Variants in CHORDC1 observed in about 807,000 individuals in gnomAD.
CHORDC1 encodes cysteine and histidine rich domain containing 1.
CHORDC1 carries 25 observed loss-of-function variants against 48.3 expected under a neutral mutation model. The ratio of observed to expected loss-of-function variants is 0.52; its 90% CI spans 0.38 to 0.72. The LOEUF is 0.72. CHORDC1 is among the 30% of genes least tolerant of loss of function. The pLI, the probability that CHORDC1 is intolerant of heterozygous loss-of-function variation, is 0.00. For synonymous variants in CHORDC1, 128 were observed against 126.4 expected (o/e 1.01, Z -0.09); for missense variants, 317 against 388.7 (o/e 0.82, Z 1.55).
intron 4 of CHORDC1, chr11:90,212,259 G>A (rs1418233131): frequency 1.3e-5 from 2 of 148,792 alleles, no homozygotes; most frequent in Non-Finnish European, 3.0e-5. Flanking sequence ...TTTTTCCCAT[G>A]CTGTTCTCAT....
intron 4 of CHORDC1, chr11:90,213,334 C>CAAAAAA: frequency 1.7e-6 from 1 of 574,650 alleles, no homozygotes; most frequent in South Asian, 2.0e-5. Flanking sequence ...TACTTGCAGC[C>CAAAAAA]AAAAAAAAAA....
At position 90,203,422 on chromosome 11, in the gene CHORDC1, T is replaced by C. The variant is rs1857590253; in HGVS notation, c.675A>G (p.Lys225=). 3 of 1,552,146 alleles carry C rather than the reference T, an allele frequency of 1.9e-6. No individual in the cohort carries two copies. The highest frequency in any genetic ancestry group is 2.7e-5 in the African/African-American group (2 of 74,308). ...AGTCATGTCTACATGGAACAACTTT[T>C]TTCCCCTGTAATGTAAGAGAAACTC... ...KHMWTKKDAG[K]KVVPCRHDWH... The change falls in exon 9 of 11, where the codon AAA becomes AAG. Residue 225 remains lysine, a synonymous_variant. Coordinates refer to ENST00000320585, the MANE Select transcript of CHORDC1 (RefSeq NM_012124.3).
At chr11:90,204,437 A>C (rs1407973184) in intron 8 of CHORDC1, among the ~76,000 whole-genome samples, 1 of 152,142 alleles carries the variant, frequency 6.6e-6, no homozygotes, top group Non-Finnish European at 1.5e-5. Context: ...AAAAGCAACT[A>C]GGGCCAGGCG....
At position 90,206,273 on chromosome 11, in the gene CHORDC1, C is replaced by A; in HGVS notation, c.493-1G>T. On this transcript the variant is annotated splice_acceptor_variant, in intron 6 of 10. Transcript: ENST00000320585. LOFTEE classifies it high-confidence loss of function. ...CTAGACTCTCTAGACCCTGGTATGT[C>A]TAAAAAGGAAACAAAGAGAAAAAAA... is the stretch of plus-strand genomic sequence containing the variant. The A allele has an allele frequency of 6.6e-7, 1 of 1,522,394 alleles. No individual in the cohort carries two copies. The highest frequency in any genetic ancestry group is 9.1e-7 in the Non-Finnish European group (1 of 1,099,360). The allele number at this position is 1,522,394 out of a possible 1,614,324, so 94.3% of individuals were successfully genotyped here. A position where few individuals can be genotyped will look rare whatever the true frequency, so the allele number is the denominator to read the frequency against.
In CHORDC1 at chr11:90,205,622, C is replaced by T. The variant is rs1045975814; in HGVS notation, c.564-57G>A. Reference sequence around the variant, plus strand: ...AAAATCTCACAACCAATTAAATCCACAAGTATTTTAGGGATAAATCTGATT... The same window carrying T: ...AAAATCTCACAACCAATTAAATCCATAAGTATTTTAGGGATAAATCTGATT... On this transcript the variant is annotated intron_variant, in intron 7 of 10. Coordinates refer to ENST00000320585, the MANE Select transcript of CHORDC1 (RefSeq NM_012124.3). 10 of 1,103,372 alleles carry T rather than the reference C, an allele frequency of 9.1e-6. No individual in the cohort carries two copies. The East Asian group carries it at 1.9e-4, about 21-fold the overall frequency. 68.3% of individuals were successfully genotyped at this position (1,103,372 alleles called of 1,614,324 possible). A position where few individuals can be genotyped will look rare whatever the true frequency, so the allele number is the denominator to read the frequency against.
At chr11:90,210,802 C>T (rs1857839895) in intron 5 of CHORDC1, 1 of 518,706 alleles carries the variant, frequency 1.9e-6, no homozygotes, top group South Asian at 2.7e-5. Context: ...ACAATTTTTT[C>T]CATAACAAAA....
rs1353018470 is a variant in CHORDC1 at position 90,201,604 on chromosome 11, T to C, written c.*801A>G. The C allele has an allele frequency of 6.6e-6, 1 of 152,418 alleles. No individual in the cohort carries two copies. The highest frequency in any genetic ancestry group is 1.5e-5 in the Non-Finnish European group (1 of 67,876). 9.4% of individuals were successfully genotyped at this position (152,418 alleles called of 1,614,324 possible). On this transcript the variant is annotated 3_prime_UTR_variant, in exon 11 of 11. Coordinates refer to ENST00000320585, the MANE Select transcript of CHORDC1 (RefSeq NM_012124.3). ...GCAAGATATATATAATTTCTTTTTA[T>C]ATTTAACTAAAGGTTTTAAGAGGGC... is the stretch of plus-strand genomic sequence containing the variant.
intron 4 of CHORDC1, 85 bp from the exon 5 acceptor site, chr11:90,211,403 T>C (rs1857856049): frequency 9.5e-6 from 8 of 840,828 alleles, no homozygotes; most frequent in Non-Finnish European, 1.6e-5. Flanking sequence ...AAAAGCTTTC[T>C]GAGAAGCCAA....
chr11:90,219,314 T>C (rs1858103823), intron 1 of CHORDC1, among the ~76,000 whole-genome samples: 1 of 152,166 alleles, frequency 6.6e-6, no homozygotes, highest in Non-Finnish European at 1.5e-5. Context: ...ATTTTCTAGA[T>C]TCTCACTGGG....
chr11:90,210,655 T>A, intron 5 of CHORDC1, 61 bp from the exon 6 acceptor site: 3 of 1,096,126 alleles, frequency 2.7e-6, no homozygotes, highest in Non-Finnish European at 4.0e-6. Context: ...TGTGGCATCA[T>A]TCTTAAAAAC....
At chr11:90,220,085 A>C (rs147521766) in intron 1 of CHORDC1, among the ~76,000 whole-genome samples, 62 of 152,296 alleles carry the variant, frequency 4.1e-4, no homozygotes, top group African/African-American at 1.4e-3. Context: ...GTGTTAGTGT[A>C]TTTCATATGT....
intron 1 of CHORDC1, among the ~76,000 whole-genome samples, chr11:90,222,173 C>G (rs1411090663): frequency 6.6e-6 from 1 of 152,226 alleles, no homozygotes; most frequent in Non-Finnish European, 1.5e-5. Context: ...GCTTTGGATC[C>G]TTAACTCGAC....
At chr11:90,206,039 C>T in intron 7 of CHORDC1, 163 bp downstream of exon 7, 1 of 632,350 alleles carries the variant, frequency 1.6e-6, no homozygotes, top group Non-Finnish European at 2.9e-6. Context: ...TATAAACACA[C>T]AACATACAAA....
intron 1 of CHORDC1, among the ~76,000 whole-genome samples, chr11:90,218,653 A>T (rs1858080050): frequency 6.6e-6 from 1 of 152,214 alleles, no homozygotes; most frequent in Non-Finnish European, 1.5e-5. Context: ...TTTTTGCAGT[A>T]TCTAATTGGT....
At chr11:90,207,696 T>C (rs1220588393) in intron 6 of CHORDC1, 1 of 136,120 alleles carries the variant, frequency 7.3e-6, no homozygotes, top group African/African-American at 2.8e-5. Context: ...AAAGCAGTCA[T>C]CATTAGGGAA....
intron 4 of CHORDC1, 122 bp downstream of exon 4, chr11:90,213,896 T>C (rs534589375): frequency 1.2e-6 from 1 of 823,574 alleles, no homozygotes; most frequent in Non-Finnish European, 1.9e-6. Flanking sequence ...AACCAAATGG[T>C]TCAAAGCTTG....
intron 5 of CHORDC1, 22 bp downstream of exon 5, chr11:90,211,193 A>G (rs1159228732): frequency 1.5e-5 from 22 of 1,460,052 alleles, no homozygotes; most frequent in Non-Finnish European, 2.1e-5. Context: ...ATAATTAACA[A>G]TAAAACAAAA....
At chr11:90,206,170 T>A (rs1384657726) in intron 7 of CHORDC1, 32 bp downstream of exon 7, 2 of 1,231,180 alleles carry the variant, frequency 1.6e-6, no homozygotes, top group Non-Finnish European at 2.4e-6. Flanking sequence ...AATTCTACCA[T>A]AAACTATTTT....
chr11:90,220,776 T>G (rs1209394998), intron 1 of CHORDC1, among the ~76,000 whole-genome samples: 2 of 152,062 alleles, frequency 1.3e-5, no homozygotes, highest in African/African-American at 4.8e-5. Context: ...ACAGTAGCAG[T>G]GGTTAAGTGT....
Sources: allele counts gnomAD v4.1 joint callset (sites outside exome capture counted in the v4.1 genomes callset), GRCh38; gene constraint gnomAD v4.1.1; transcripts MANE v1.5; gene names NCBI Gene and HGNC (gene_info 2026-07-23, HGNC 2026-07-21).